TUBA1A: variants seen among roughly 807,000 people sequenced by gnomAD.
TUBA1A encodes the protein tubulin alpha 1a.
In TUBA1A, 7 loss-of-function variants were observed where a neutral mutation model predicts 34.6. The observed-to-expected ratio is 0.20, with a 90% CI of 0.11 to 0.38. TUBA1A has a LOEUF of 0.38. Among genes scored for constraint, TUBA1A ranks in the 10% least tolerant of loss-of-function variants. The pLI is 1.00. For synonymous variants in TUBA1A, 193 were observed against 210.2 expected, an observed-to-expected ratio of 0.92 and a Z score of 0.71; for missense variants, 19 against 581.3, an observed-to-expected ratio of 0.03 and a Z score of 9.95.
Position 49,189,004 on chromosome 12 carries a change from C to A in TUBA1A, c.-25G>T. The A allele has an allele frequency of 3.7e-6, 6 of 1,614,244 alleles. No homozygotes were observed. The highest frequency in any genetic ancestry group is 5.1e-6 in the Non-Finnish European group (6 of 1,180,032). ...TGGTTGCTGCTTCGCGACTGCCGAG[C>A]TGATGGCGGAGACGAAGAGGAGAGG... On this transcript the variant is annotated 5_prime_UTR_variant, in exon 1 of 4. Transcript: ENST00000301071.
chr12:49,188,661 C>A lies in TUBA1A; in HGVS notation c.3+316G>T. ...ACAGACACGGGGCCCAGCCGGGACG[C>A]CCCAGACCCCTCGGTCGCGGCAGAC... On this transcript the variant is annotated intron_variant, in intron 1 of 3. Coordinates refer to ENST00000301071, the MANE Select transcript of TUBA1A (RefSeq NM_006009.4). The surrounding 1 kb of genome is among the most constrained non-coding windows in gnomAD (Gnocchi z 4.9). 1 of 1,438,624 alleles carries A rather than the reference C, an allele frequency of 7.0e-7. No homozygotes were observed. The highest frequency in any genetic ancestry group is 9.1e-7 in the Non-Finnish European group (1 of 1,103,480). The allele number at this position is 1,438,624 out of a possible 1,614,324, so 89.1% of individuals were successfully genotyped here.
chr12:49,187,299 C>T (rs1942192803), intron 1 of TUBA1A: 3 of 1,069,858 alleles, frequency 2.8e-6, no homozygotes, highest in Non-Finnish European at 3.4e-6. Context: ...CTTCTGCAGT[C>T]TGTCTGCAGA....
At position 49,188,627 on chromosome 12, in the gene TUBA1A, AC is replaced by A. The variant is rs1942213475; in HGVS notation, c.3+349del. ...AAAGTGGCCCCTCAGCATCAGCGAAACCGTGCGCACAGACACGGGGCCCAGC... is the reference window on the plus strand; with the variant it reads ...AAAGTGGCCCCTCAGCATCAGCGAAACGTGCGCACAGACACGGGGCCCAGC... On this transcript the variant is annotated intron_variant, in intron 1 of 3. Transcript: ENST00000301071. This position sits in a 1 kb window ranked among gnomAD's most constrained non-coding sequence, Gnocchi z 4.9. The A allele has an allele frequency of 7.0e-7, 1 of 1,438,318 alleles. No homozygotes were observed. The highest frequency in any genetic ancestry group is 9.1e-7 in the Non-Finnish European group (1 of 1,101,064). 89.1% of individuals were successfully genotyped at this position (1,438,318 alleles called of 1,614,324 possible). A position where few individuals can be genotyped will look rare whatever the true frequency, so the allele number is the denominator to read the frequency against.
chr12:49,185,976 C>G lies in TUBA1A; in HGVS notation c.390G>C (p.Thr130=), dbSNP rs1143559. ...GGAAAACCAAGAAGCCCTGGAGACC[C>G]GTGCACTGGTCGGCCTATAACAAAA... The part of the protein sequence containing the change: ...DRIRKLADQC[T]GLQGFLVFHS... Residue 130 remains threonine, a synonymous_variant, in exon 4 of 4, where the codon ACG becomes ACC. Transcript: ENST00000301071. 287 of 1,614,144 alleles carry G rather than the reference C, an allele frequency of 1.8e-4. No individual in the cohort carries two copies. Among genetic ancestry groups the G allele is most frequent in the Middle Eastern group, 9.9e-4 (6 of 6,062 alleles).
chr12:49,188,487 C>T lies in TUBA1A; in HGVS notation c.3+490G>A. 1 of 1,532,188 alleles carries T rather than the reference C, an allele frequency of 6.5e-7. No individual in the cohort carries two copies. Among genetic ancestry groups the T allele is most frequent in the South Asian group, 1.2e-5 (1 of 83,924 alleles). The allele number at this position is 1,532,188 out of a possible 1,614,324, so 94.9% of individuals were successfully genotyped here. A position where few individuals can be genotyped will look rare whatever the true frequency, so the allele number is the denominator to read the frequency against. On this transcript the variant is annotated intron_variant, in intron 1 of 3. Coordinates refer to ENST00000301071, the MANE Select transcript of TUBA1A (RefSeq NM_006009.4). The surrounding 1 kb of genome is among the most constrained non-coding windows in gnomAD (Gnocchi z 4.9). ...ACCGCGGAGGGTCTTCCCACGCTAA[C>T]CCTAGGCTGCGCTTTGTTCCCGTTC...
In TUBA1A at chr12:49,188,985, C is replaced by T. The variant is rs747406864; in HGVS notation, c.-6G>A. On this transcript the variant is annotated 5_prime_UTR_variant, in exon 1 of 4. Coordinates refer to ENST00000301071, the MANE Select transcript of TUBA1A (RefSeq NM_006009.4). This position sits in a 1 kb window ranked among gnomAD's most constrained non-coding sequence, Gnocchi z 4.9. ...CCGAAGCCGATTCTCACCATGGTTG[C>T]TGCTTCGCGACTGCCGAGCTGATGG... The T allele has an allele frequency of 8.1e-6, 13 of 1,614,256 alleles. No individual in the cohort carries two copies. The South Asian group carries it at 1.4e-4, about 18-fold the overall frequency.
Position 49,186,083 on chromosome 12 carries a change from C to T in TUBA1A, c.376-93G>A, listed in dbSNP as rs972881662. 7.7e-6 allele frequency: 12 copies of T among 1,561,590 alleles called. No individual in the cohort carries two copies. The highest frequency in any genetic ancestry group is 9.5e-6 in the Non-Finnish European group (11 of 1,152,206). ...ATATTTTCACTTTTCATACATCTTCCAGGACTTAGATCTTATTTTGACAAA... is the reference window on the plus strand; with the variant it reads ...ATATTTTCACTTTTCATACATCTTCTAGGACTTAGATCTTATTTTGACAAA... On this transcript the variant is annotated intron_variant, in intron 3 of 3. Transcript: ENST00000301071. This position sits in a 1 kb window ranked among gnomAD's most constrained non-coding sequence, Gnocchi z 6.6.
In TUBA1A at chr12:49,188,593, G is replaced by C; in HGVS notation, c.3+384C>G. On this transcript the variant is annotated intron_variant, in intron 1 of 3. Transcript: ENST00000301071. The surrounding 1 kb of genome is among the most constrained non-coding windows in gnomAD (Gnocchi z 4.9). Reference sequence around the variant, plus strand: ...CCTCTCCCGGTCCCCAGAGAACAACGCGAGACAGAAAGTGGCCCCTCAGCA... The same window carrying C: ...CCTCTCCCGGTCCCCAGAGAACAACCCGAGACAGAAAGTGGCCCCTCAGCA... The C allele has an allele frequency of 6.9e-7, 1 of 1,448,654 alleles. No homozygotes were observed. The highest frequency in any genetic ancestry group is 1.4e-5 in the South Asian group (1 of 70,210). 89.7% of individuals were successfully genotyped at this position (1,448,654 alleles called of 1,614,324 possible).
At chr12:49,187,630 T>C in intron 1 of TUBA1A, 1 of 984,906 alleles carries the variant, frequency 1.0e-6, no homozygotes, top group Non-Finnish European at 1.2e-6. Flanking sequence ...TTTCCAGATC[T>C]TCTCCACTGT....
rs1033808642 is a variant in TUBA1A, at chr12:49,184,883, T to C, written c.*127A>G. On this transcript the variant is annotated 3_prime_UTR_variant, in exon 4 of 4. Coordinates refer to ENST00000301071, the MANE Select transcript of TUBA1A (RefSeq NM_006009.4). ...AACAAAGCATTCATGTTTTAGAGCA[T>C]AGGTCAGTAATTGTATATGAGAGCA... is the stretch of plus-strand genomic sequence containing the variant. 1.1e-5 allele frequency: 17 copies of C among 1,479,548 alleles called. No homozygotes were observed. The Admixed American group carries it at 1.5e-4, about 13-fold the overall frequency. The allele number at this position is 1,479,548 out of a possible 1,614,324, so 91.7% of individuals were successfully genotyped here.
rs199717430 is a variant in TUBA1A, at chr12:49,186,601, G to A, written c.226+10C>T. ...CTGGGATCTCACTTGGGTTACTGAG[G>A]TCAACTCACCAATGACTGTGGGTTC... On this transcript the variant is annotated intron_variant, in intron 2 of 3. Coordinates refer to ENST00000301071, the MANE Select transcript of TUBA1A (RefSeq NM_006009.4). This position sits in a 1 kb window ranked among gnomAD's most constrained non-coding sequence, Gnocchi z 6.6. The A allele has an allele frequency of 7.2e-4, 1,165 of 1,613,994 alleles. 15 individuals are homozygous for A. In the Middle Eastern group the frequency reaches 0.035, roughly 48 times the overall value.
At position 49,189,001 on chromosome 12, in the gene TUBA1A, G is replaced by A; in HGVS notation, c.-22C>T. 1 of 1,614,194 alleles carries A rather than the reference G, an allele frequency of 6.2e-7. No homozygotes were observed. The highest frequency in any genetic ancestry group is 1.3e-5 in the African/African-American group (1 of 75,064). On this transcript the variant is annotated 5_prime_UTR_variant, in exon 1 of 4. Transcript: ENST00000301071. ...CCATGGTTGCTGCTTCGCGACTGCC[G>A]AGCTGATGGCGGAGACGAAGAGGAG...
intron 1 of TUBA1A, chr12:49,187,177 G>C (rs1235533705): frequency 9.4e-6 from 11 of 1,172,244 alleles, no homozygotes; most frequent in Non-Finnish European, 1.2e-5. Context: ...ACTTAATTGG[G>C]ATTAATTTTA....
chr12:49,188,388 C>CT lies in TUBA1A; in HGVS notation c.3+588_3+589insA, dbSNP rs1565628384. ...CCCGCCCCTGCGCCGCCCTGACACC[C>CT]GCTGCCGGGGGCTCCGGCAGAAACT... On this transcript the variant is annotated intron_variant, in intron 1 of 3. Coordinates refer to ENST00000301071, the MANE Select transcript of TUBA1A (RefSeq NM_006009.4). This position sits in a 1 kb window ranked among gnomAD's most constrained non-coding sequence, Gnocchi z 4.9. The CT allele has an allele frequency of 1.3e-6, 2 of 1,535,738 alleles. No individual in the cohort carries two copies. Among genetic ancestry groups the CT allele is most frequent in the South Asian group, 2.4e-5 (2 of 84,054 alleles).
At position 49,188,808 on chromosome 12, in the gene TUBA1A, TGCG is replaced by T. The variant is rs560742601; in HGVS notation, c.3+166_3+168del. On this transcript the variant is annotated intron_variant, in intron 1 of 3. Coordinates refer to ENST00000301071, the MANE Select transcript of TUBA1A (RefSeq NM_006009.4). The surrounding 1 kb of genome is among the most constrained non-coding windows in gnomAD (Gnocchi z 4.9). ...ACTGGCCCGGTTCCTGCACCCGCAC[TGCG>T]GCGGCGGCGGGGCTTGAGGATTTGG... is the stretch of plus-strand genomic sequence containing the variant. 6.9e-6 allele frequency: 11 copies of T among 1,595,772 alleles called. No individual in the cohort carries two copies. The highest frequency in any genetic ancestry group is 1.1e-5 in the South Asian group (1 of 90,640).
At chr12:49,187,493 C>A in intron 1 of TUBA1A, 1 of 986,088 alleles carries the variant, frequency 1.0e-6, no homozygotes, top group Non-Finnish European at 1.2e-6. Context: ...TGACCCCGCC[C>A]GGGACCATGT....
chr12:49,187,867 G>C (rs1310501410), intron 1 of TUBA1A: 1 of 973,692 alleles, frequency 1.0e-6, no homozygotes, highest in African/African-American at 1.9e-5. Context: ...TGGTCTTTAG[G>C]GCTACCACTT....
At position 49,186,943 on chromosome 12, in the gene TUBA1A, A is replaced by G; in HGVS notation, c.4-110T>C. 1 of 1,527,938 alleles carries G rather than the reference A, an allele frequency of 6.5e-7. No individual in the cohort carries two copies. Among genetic ancestry groups the G allele is most frequent in the South Asian group, 1.2e-5 (1 of 82,468 alleles). The allele number at this position is 1,527,938 out of a possible 1,614,324, so 94.6% of individuals were successfully genotyped here. ...TAATATACAGATATTTTTCTAAATT[A>G]TTTGAGGTCATATCCCCAGCACGAT... is the stretch of plus-strand genomic sequence containing the variant. On this transcript the variant is annotated intron_variant, in intron 1 of 3. Coordinates refer to ENST00000301071, the MANE Select transcript of TUBA1A (RefSeq NM_006009.4). The surrounding 1 kb of genome is among the most constrained non-coding windows in gnomAD (Gnocchi z 6.6).
chr12:49,185,586 C>A lies in TUBA1A; in HGVS notation c.780G>T (p.Val260=). ...GAGGGAAGTGGATGCGGGGATAGGG[C>A]ACCAGGTTGGTCTGGAATTCTGTCA... ...VDLTEFQTNL[V]PYPRIHFPLA... The change falls in exon 4 of 4, where the codon GTG becomes GTT. Residue 260 remains valine (V), a synonymous_variant. Transcript: ENST00000301071. The A allele has an allele frequency of 1.9e-6, 3 of 1,614,082 alleles. No individual in the cohort carries two copies. Among genetic ancestry groups the A allele is most frequent in the Non-Finnish European group, 2.5e-6 (3 of 1,180,004 alleles).
Sources: allele counts gnomAD v4.1 joint callset, GRCh38; gene constraint gnomAD v4.1.1; non-coding constraint Gnocchi (gnomAD v3.1); transcripts MANE v1.5; gene names NCBI Gene and HGNC (gene_info 2026-07-23, HGNC 2026-07-21).